UBXN2A: variants seen among roughly 807,000 people sequenced by gnomAD.
UBXN2A encodes UBX domain-containing protein 2A.
In UBXN2A, 28 loss-of-function variants were observed where a neutral mutation model predicts 28.4. That is an observed-to-expected ratio of 0.99 (90% CI 0.73 to 1.35). The LOEUF (loss-of-function observed/expected upper bound fraction) is 1.35, where lower values mean the gene tolerates loss of function less well. Among genes scored for constraint, UBXN2A ranks in the 40% most tolerant of loss-of-function variants. The pLI is 0.00. For synonymous variants in UBXN2A, 97 were observed against 103.6 expected, an observed-to-expected ratio of 0.94 and a Z score of 0.39; for missense variants, 253 against 297.9, an observed-to-expected ratio of 0.85 and a Z score of 1.11.
intron 3 of UBXN2A, among the ~76,000 whole-genome samples, chr2:23,975,006 C>G (rs1707596332): frequency 6.6e-6 from 1 of 151,270 alleles, no homozygotes; most frequent in Admixed American, 6.6e-5. Flanking sequence ...AAAAAGAAAG[C>G]AACCATACCT....
chr2:23,949,701 G>T (rs1041801732), intron 1 of UBXN2A, among the ~76,000 whole-genome samples: 1 of 150,658 alleles, frequency 6.6e-6, no homozygotes, highest in Non-Finnish European at 1.5e-5. Context: ...GTGGTGAAAC[G>T]CTGTCTCTAC....
At chr2:23,973,083 G>C (rs1378639730) in intron 3 of UBXN2A, among the ~76,000 whole-genome samples, 1 of 150,868 alleles carries the variant, frequency 6.6e-6, no homozygotes, top group East Asian at 2.0e-4. Context: ...GCAATGGCAC[G>C]ATCTCAGCTC....
At chr2:23,990,651 G>A (rs1708319955) in intron 6 of UBXN2A, among the ~76,000 whole-genome samples, 1 of 151,674 alleles carries the variant, frequency 6.6e-6, no homozygotes, top group Non-Finnish European at 1.5e-5. Context: ...GCCCACTCCT[G>A]TAATCCCAGC....
At chr2:23,936,010 C>T (rs937564413), upstream of UBXN2A, among the ~76,000 whole-genome samples, 1 of 152,006 alleles carries the variant, frequency 6.6e-6, no homozygotes, top group Non-Finnish European at 1.5e-5. Context: ...CAAGATTGCA[C>T]CAATGCACTC....
intron 3 of UBXN2A, among the ~76,000 whole-genome samples, chr2:23,972,605 C>T (rs1297352510): frequency 5.9e-5 from 9 of 152,062 alleles, no homozygotes; most frequent in East Asian, 1.9e-4. Flanking sequence ...GGGTGGATCA[C>T]GAGGTCAGGA....
chr2:23,930,139 C>T (rs1259707358), intron 1 of UBXN2A, among the ~76,000 whole-genome samples: 1 of 152,174 alleles, frequency 6.6e-6, no homozygotes, highest in African/African-American at 2.4e-5. Flanking sequence ...CTGCCTGCCT[C>T]AGCCTCCCAA....
chr2:23,989,751 A>G (rs1356991815), intron 6 of UBXN2A, among the ~76,000 whole-genome samples: 2 of 151,746 alleles, frequency 1.3e-5, no homozygotes, highest in African/African-American at 4.8e-5. Context: ...AAAAACACAA[A>G]AAGTTGCCAG....
chr2:23,943,860 G>T, intron 1 of UBXN2A: 1 of 378,594 alleles, frequency 2.6e-6, no homozygotes, highest in South Asian at 2.5e-5. Context: ...CTGCACTCTT[G>T]CTGAGACATG....
intron 1 of UBXN2A, among the ~76,000 whole-genome samples, chr2:23,942,224 T>G (rs1048158584): frequency 6.6e-6 from 1 of 152,118 alleles, no homozygotes; most frequent in Non-Finnish European, 1.5e-5. Context: ...AAAGTAATCT[T>G]TGAGCTTAGA....
Position 23,984,797 on chromosome 2 carries a change from A to G in UBXN2A, c.550A>G (p.Lys184Glu), listed in dbSNP as rs749143638. The G allele has an allele frequency of 7.7e-6, 12 of 1,559,188 alleles. No homozygotes were observed. The highest frequency in any genetic ancestry group is 6.2e-5 in the South Asian group (5 of 80,404). The change falls in exon 6 of 7, where the codon AAA becomes GAA. Residue 184 changes from lysine (K) to glutamate (E), a missense_variant. Physicochemically the swap from Lys to Glu is moderately conservative, Grantham distance 56 (BLOSUM62 1). Transcript: ENST00000309033. ...TATACAGATCTGGTTGGCCAATGGAAAAAGGATTGTCCAGAAATTTAACAT... is the reference window on the plus strand; with the variant it reads ...TATACAGATCTGGTTGGCCAATGGAGAAAGGATTGTCCAGAAATTTAACAT... ...TNIQIWLANGKRIVQKFNITH... is the reference protein window; with the variant it reads ...TNIQIWLANGERIVQKFNITH...
chr2:23,937,885 T>C (rs139120622), upstream of UBXN2A, among the ~76,000 whole-genome samples: 32 of 152,266 alleles, frequency 2.1e-4, no homozygotes, highest in African/African-American at 7.2e-4. Flanking sequence ...GTACTACACA[T>C]CTAGGCAATA....
upstream of UBXN2A, among the ~76,000 whole-genome samples, chr2:23,937,208 A>G (rs1374176943): frequency 1.3e-5 from 2 of 152,282 alleles, no homozygotes; most frequent in Non-Finnish European, 2.9e-5. Flanking sequence ...TAGAGCAGTT[A>G]GACAATAAAA....
chr2:23,973,340 CT>C (rs1165746385), intron 3 of UBXN2A, among the ~76,000 whole-genome samples: 57 of 136,666 alleles, frequency 4.2e-4, no homozygotes, highest in East Asian at 8.8e-4. Flanking sequence ...TTCTTTTTTT[CT>C]TTTTTTTTTT....
At chr2:23,944,172 C>G (rs1705916223) in intron 1 of UBXN2A, 1 of 1,243,420 alleles carries the variant, frequency 8.0e-7, no homozygotes, top group South Asian at 1.2e-5. Flanking sequence ...GTGTCTGGGG[C>G]CAGCACTGAT....
chr2:23,952,901 T>C (rs1706443603), intron 1 of UBXN2A, among the ~76,000 whole-genome samples: 1 of 151,694 alleles, frequency 6.6e-6, no homozygotes, highest in African/African-American at 2.4e-5. Context: ...TTTAAAATTG[T>C]GAAAAAGTCA....
chr2:23,933,461 G>A (rs909920456), intron 1 of UBXN2A, among the ~76,000 whole-genome samples: 1 of 152,110 alleles, frequency 6.6e-6, no homozygotes, highest in African/African-American at 2.4e-5. Flanking sequence ...AGCTGAGATC[G>A]CACCATTGCA....
chr2:23,970,756 A>G (rs909478938), intron 2 of UBXN2A, among the ~76,000 whole-genome samples: 1 of 151,668 alleles, frequency 6.6e-6, no homozygotes, highest in African/African-American at 2.4e-5. Context: ...TTTGGGGGCA[A>G]TGGGAAACAG....
chr2:23,929,638 G>C (rs377442918), intron 1 of UBXN2A, among the ~76,000 whole-genome samples: 2 of 151,836 alleles, frequency 1.3e-5, no homozygotes, highest in East Asian at 3.9e-4. Flanking sequence ...GCTTGAACCC[G>C]GGAGGCGGAG....
intron 2 of UBXN2A, among the ~76,000 whole-genome samples, chr2:23,958,853 T>C (rs909938113): frequency 3.3e-5 from 5 of 152,178 alleles, no homozygotes; most frequent in South Asian, 2.1e-4. Flanking sequence ...TTCTTTTTCT[T>C]TTGTTTTTAC....
Sources: allele counts gnomAD v4.1 joint callset (sites outside exome capture counted in the v4.1 genomes callset), GRCh38; gene constraint gnomAD v4.1.1; transcripts MANE v1.5; gene names NCBI Gene and HGNC (gene_info 2026-07-23, HGNC 2026-07-21).